The following MYH11 variants were observed in gnomAD, a reference collection of about 807,000 sequenced individuals.
MYH11 encodes the protein myosin-11.
Under a neutral mutation model 246.6 loss-of-function variants are expected in MYH11, and 80 were observed. That is an observed-to-expected ratio of 0.32 (90% CI 0.27 to 0.39). The LOEUF (loss-of-function observed/expected upper bound fraction) is 0.39. MYH11 is among the 10% of genes least tolerant of loss of function. MYH11 has a pLI of 1.00. For missense variants in MYH11, 2,158 were observed against 2,546.8 expected, an observed-to-expected ratio of 0.85 and a Z score of 3.29; for synonymous variants, 1,071 against 1,015.5, an observed-to-expected ratio of 1.05 and a Z score of -1.04.
chr16:15,757,078 A>G (rs996187997), intron 13 of MYH11, among the ~76,000 whole-genome samples: 4 of 151,896 alleles, frequency 2.6e-5, no homozygotes, highest in East Asian at 2.0e-4. Context: ...GATTACAGGC[A>G]TGAGCCACCG....
At chr16:15,816,206 C>T (rs1473617457) in intron 3 of MYH11, among the ~76,000 whole-genome samples, 1 of 152,060 alleles carries the variant, frequency 6.6e-6, no homozygotes, top group Non-Finnish European at 1.5e-5. Flanking sequence ...AGGGGAATTT[C>T]AAGGATGGTG....
Position 15,715,036 on chromosome 16 carries a change from C to G in MYH11, c.5659G>C (p.Glu1887Gln). Residue 1887 changes from glutamate (E) to glutamine (Q), a missense_variant, in exon 40 of 41, where the codon GAG (glutamate) becomes CAG (glutamine). Physicochemically the swap from Glu to Gln is conservative, Grantham distance 29. Coordinates refer to ENST00000300036, the MANE Select transcript of MYH11 (RefSeq NM_002474.3). ...CGCTGGGACTCCTCCTCTGCCTCCT[C>G]CAGCTGCCTCTTGAGCTGCTTGACC... is the stretch of plus-strand genomic sequence containing the variant. ...ARVKQLKRQL[E>Q]EAEEESQRIN... 6.2e-7 allele frequency: 1 copy of G among 1,613,848 alleles called. No homozygotes were observed. The highest frequency in any genetic ancestry group is 8.5e-7 in the Non-Finnish European group (1 of 1,180,034).
At chr16:15,800,782 C>A (rs968361683) in intron 3 of MYH11, among the ~76,000 whole-genome samples, 3 of 151,964 alleles carry the variant, frequency 2.0e-5, no homozygotes, top group South Asian at 2.1e-4. Context: ...CCAATCAGTT[C>A]TCTCTCTCTT....
At chr16:15,757,049 C>T (rs542400502) in intron 13 of MYH11, among the ~76,000 whole-genome samples, 1 of 152,092 alleles carries the variant, frequency 6.6e-6, no homozygotes, top group East Asian at 2.0e-4. Context: ...CCGCCCGCCT[C>T]GGCCTCCCAA....
At chr16:15,824,255 G>A (rs562193772) in intron 2 of MYH11, among the ~76,000 whole-genome samples, 1 of 151,862 alleles carries the variant, frequency 6.6e-6, no homozygotes, top group East Asian at 1.9e-4. Flanking sequence ...AGTCTGAAGA[G>A]CAAGAACAGA....
chr16:15,717,490 A>G lies in MYH11; in HGVS notation c.5296-142T>C, dbSNP rs2040224130. 48 of 815,828 alleles carry G rather than the reference A, an allele frequency of 5.9e-5. 1 individual carries two copies. In the South Asian group the frequency reaches 7.5e-4, roughly 13 times the overall value. The allele number at this position is 815,828 out of a possible 1,614,324, so 50.5% of individuals were successfully genotyped here. On this transcript the variant is annotated intron_variant, in intron 37 of 40. Coordinates refer to ENST00000300036, the MANE Select transcript of MYH11 (RefSeq NM_002474.3). ...CCTGTCCTCTCCTTCATCCTGTAAA[A>G]CTCCACTCAAGAGCTTCTTCCAGGC...
In MYH11 at chr16:15,709,606, C is replaced by T. The variant is rs187173198; in HGVS notation, c.5786+5303G>A. Reference sequence around the variant, plus strand: ...CTGGGATTACAGGTGTGAGCCACTGCACCCGGCTCAGTTTTTTAAATGGAA... The same window carrying T: ...CTGGGATTACAGGTGTGAGCCACTGTACCCGGCTCAGTTTTTTAAATGGAA... On this transcript the variant is annotated intron_variant, in intron 40 of 40. Coordinates refer to ENST00000300036, the MANE Select transcript of MYH11 (RefSeq NM_002474.3). 1.3e-3 allele frequency among the ~76,000 whole-genome samples: 194 copies of T among 152,296 alleles called. 4 individuals are homozygous for T. Among genetic ancestry groups the T allele is most frequent in the Admixed American group, 0.011 (173 of 15,302 alleles).
chr16:15,828,675 C>A (rs957559755), intron 2 of MYH11, among the ~76,000 whole-genome samples: 2 of 151,048 alleles, frequency 1.3e-5, no homozygotes, highest in Non-Finnish European at 1.5e-5. Context: ...CGCCTGTAAT[C>A]CCAGCTAGTC....
chr16:15,715,080 G>A lies in MYH11; in HGVS notation c.5615C>T (p.Ala1872Val), dbSNP rs943486107. Residue 1872 changes from alanine to valine, a missense_variant and splice_region_variant, in exon 40 of 41, where the codon GCA (alanine) becomes GTA (valine). Coordinates refer to ENST00000300036, the MANE Select transcript of MYH11 (RefSeq NM_002474.3). ...RKMAEQYKEQ[A>V]EKGNARVKQL... ...CTTGACCCTGGCATTGCCTTTCTCT[G>A]CCTGTCGCGGAGAGTTGGAGGGGTG... is the stretch of plus-strand genomic sequence containing the variant. 1.2e-6 allele frequency: 2 copies of A among 1,612,652 alleles called. No individual in the cohort carries two copies. The highest frequency in any genetic ancestry group is 1.3e-5 in the African/African-American group (1 of 74,870).
intron 26 of MYH11, among the ~76,000 whole-genome samples, chr16:15,734,236 A>T (rs1440103915): frequency 2.0e-5 from 3 of 152,218 alleles, no homozygotes; most frequent in African/African-American, 7.2e-5. Flanking sequence ...ACTGATACAC[A>T]CACAGACAGG....
chr16:15,846,915 C>A (rs2044204506), intron 1 of MYH11, among the ~76,000 whole-genome samples: 1 of 152,140 alleles, frequency 6.6e-6, no homozygotes, highest in Admixed American at 6.5e-5. Context: ...GATCATGCCA[C>A]TGCACTGCAG....
chr16:15,808,143 A>G (rs905895101), intron 3 of MYH11, among the ~76,000 whole-genome samples: 3 of 152,144 alleles, frequency 2.0e-5, no homozygotes, highest in Non-Finnish European at 4.4e-5. Context: ...GTGGCTCTCT[A>G]CCTAATGCCC....
intron 4 of MYH11, among the ~76,000 whole-genome samples, chr16:15,795,449 T>C (rs1230203666): frequency 1.3e-5 from 2 of 151,566 alleles, no homozygotes; most frequent in African/African-American, 4.8e-5. Context: ...CTGTCTCTAC[T>C]AAAAATACAA....
rs775386151 is a variant in MYH11 at position 15,732,646 on chromosome 16, T to C, written c.3569A>G (p.His1190Arg). Residue 1190 changes from histidine to arginine, a missense_variant, in exon 27 of 41, where the codon CAT becomes CGT. This residue lies in a region of MYH11 where 34 missense variants were observed against 70.4 expected (regional missense o/e 0.48). Transcript: ENST00000300036. The stretch of plus-strand genomic sequence containing the variant: ...CCTCATCTCCTGGACCTGAGCCTCA[T>C]GGGACCGCGTCTCTTCATCCAGGGC... ...KKALDEETRS[H>R]EAQVQEMRQK... The C allele has an allele frequency of 5.6e-6, 9 of 1,614,100 alleles. No homozygotes were observed. Among genetic ancestry groups the C allele is most frequent in the South Asian group, 1.1e-5 (1 of 91,090 alleles).
chr16:15,708,515 C>T (rs1231291372), intron 40 of MYH11, among the ~76,000 whole-genome samples: 2 of 152,240 alleles, frequency 1.3e-5, no homozygotes, highest in Non-Finnish European at 2.9e-5. Context: ...CACACAGCCT[C>T]TGCCATCTCG....
chr16:15,790,959 T>TC (rs1359139090), intron 4 of MYH11: 1 of 146,168 alleles, frequency 6.8e-6, no homozygotes, highest in Non-Finnish European at 1.5e-5. Flanking sequence ...TCTTTTCTTT[T>TC]TTTTTTTTTT....
In MYH11 at chr16:15,717,304, G is replaced by A. The variant is rs148113907; in HGVS notation, c.5340C>T (p.Ala1780=). The change falls in exon 38 of 41, where the codon GCC becomes GCT. Residue 1780 remains alanine (A), a synonymous_variant. Coordinates refer to ENST00000300036, the MANE Select transcript of MYH11 (RefSeq NM_002474.3). ...GCTGCCGGGCACTCTCATTCTTCTG[G>A]GCCGTGCTGCGCTCTGTGGCCAGCT... ...SNELATERST[A]QKNESARQQL... The A allele has an allele frequency of 1.2e-6, 2 of 1,612,248 alleles. No individual in the cohort carries two copies. Among genetic ancestry groups the A allele is most frequent in the African/African-American group, 2.7e-5 (2 of 74,936 alleles).
intron 31 of MYH11, among the ~76,000 whole-genome samples, chr16:15,722,426 A>T (rs2040536372): frequency 6.6e-6 from 1 of 152,190 alleles, no homozygotes; most frequent in Non-Finnish European, 1.5e-5. Flanking sequence ...AACAGAGCAG[A>T]TTATAAATTG....
intron 33 of MYH11, 132 bp from the exon 34 acceptor site, chr16:15,720,444 C>G: frequency 7.8e-7 from 1 of 1,277,846 alleles, no homozygotes; most frequent in Admixed American, 2.0e-5. Flanking sequence ...TCCCCAGTTG[C>G]AGATGAGAAA....
Sources: allele counts gnomAD v4.1 joint callset (sites outside exome capture counted in the v4.1 genomes callset), GRCh38; gene constraint gnomAD v4.1.1; regional missense constraint gnomAD v4.1.1; transcripts MANE v1.5; gene names NCBI Gene and HGNC (gene_info 2026-07-23, HGNC 2026-07-21).